OPRM1: variants seen among roughly 807,000 people sequenced by gnomAD.
The protein encoded by OPRM1 is mu-type opioid receptor.
In OPRM1, 27 loss-of-function variants were observed where a neutral mutation model predicts 31.8. That is an observed-to-expected ratio of 0.85 (90% CI 0.63 to 1.17). The LOEUF (loss-of-function observed/expected upper bound fraction) is 1.17. Among genes scored for constraint, OPRM1 ranks in the 50% most tolerant of loss-of-function variants. The pLI, the probability that OPRM1 is intolerant of heterozygous loss-of-function variation, is 0.00. For missense variants in OPRM1, 536 were observed against 511.1 expected, an observed-to-expected ratio of 1.05 and a Z score of -0.47; for synonymous variants, 196 against 189.9, an observed-to-expected ratio of 1.03 and a Z score of -0.26.
intron 3 of OPRM1, among the ~76,000 whole-genome samples, chr6:154,152,815 G>A (rs760991894): frequency 3.3e-5 from 5 of 151,780 alleles, no homozygotes; most frequent in Non-Finnish European, 7.4e-5. Flanking sequence ...CTGTAGCCCC[G>A]AACTCCTGGG....
downstream of OPRM1, among the ~76,000 whole-genome samples, chr6:154,135,604 T>A (rs955419895): frequency 2.0e-5 from 3 of 152,244 alleles, no homozygotes; most frequent in African/African-American, 7.2e-5. Context: ...TTTTTAACTC[T>A]GTCTTCTTCC....
intron 3 of OPRM1, among the ~76,000 whole-genome samples, chr6:154,220,351 C>T (rs1397060697): frequency 6.6e-6 from 1 of 152,200 alleles, no homozygotes; most frequent in Non-Finnish European, 1.5e-5. Flanking sequence ...ACCTCAAATA[C>T]AGCCTGATTC....
At chr6:154,065,150 A>ATTTT (rs564465420) in intron 1 of OPRM1, among the ~76,000 whole-genome samples, 2 of 133,674 alleles carry the variant, frequency 1.5e-5, no homozygotes, top group Non-Finnish European at 3.2e-5. Context: ...GTCTTCTTTA[A>ATTTT]TTTTTTTTTT....
At chr6:154,166,516 C>T (rs573878019) in intron 3 of OPRM1, among the ~76,000 whole-genome samples, 2 of 152,362 alleles carry the variant, frequency 1.3e-5, no homozygotes, top group Non-Finnish European at 2.9e-5. Context: ...TTCTTCCTGA[C>T]TCACGGATTT....
At chr6:154,079,107 CAT>C (rs1788536963) in intron 1 of OPRM1, among the ~76,000 whole-genome samples, 1 of 152,158 alleles carries the variant, frequency 6.6e-6, no homozygotes. Flanking sequence ...CTGATCATCT[CAT>C]TCCCTCACTC....
At chr6:154,016,998 A>G (rs370740943) in intron 1 of OPRM1, among the ~76,000 whole-genome samples, 12 of 152,354 alleles carry the variant, frequency 7.9e-5, no homozygotes, top group African/African-American at 2.9e-4. Context: ...TATGTAATCA[A>G]ATACAAATAT....
At chr6:154,159,918 C>G (rs758665912) in intron 3 of OPRM1, 2 of 1,613,786 alleles carry the variant, frequency 1.2e-6, no homozygotes, top group Admixed American at 3.3e-5. Context: ...GCGAAGCCCG[C>G]TGCTGCTGAT....
intron 3 of OPRM1, among the ~76,000 whole-genome samples, chr6:154,208,056 C>T (rs1777643915): frequency 6.6e-6 from 1 of 152,172 alleles, no homozygotes; most frequent in African/African-American, 2.4e-5. Flanking sequence ...CCTCCCACTT[C>T]CCAGTGTCTG....
chr6:154,040,121 C>T (rs540018324), intron 1 of OPRM1, among the ~76,000 whole-genome samples: 4 of 152,148 alleles, frequency 2.6e-5, no homozygotes, highest in Admixed American at 1.3e-4. Context: ...GAAGCTATAG[C>T]ATAGACTTGG....
Position 154,128,308 on chromosome 6 carries a change from G to T in OPRM1, c.*9587G>T, listed in dbSNP as rs956466828. Among the ~76,000 whole-genome samples, 3 of 152,032 alleles carry T rather than the reference G, an allele frequency of 2.0e-5. No individual in the cohort carries two copies. Among genetic ancestry groups the T allele is most frequent in the African/African-American group, 7.3e-5 (3 of 41,360 alleles). ...GAAGGTGGAGTTAATTCTGACTACG[G>T]GATTCCTTTTTCACTTTTATAATGA... On this transcript the variant is annotated 3_prime_UTR_variant, in exon 4 of 4. Transcript: ENST00000330432.
At chr6:154,204,617 C>A (rs1040958868) in intron 3 of OPRM1, among the ~76,000 whole-genome samples, 1 of 151,962 alleles carries the variant, frequency 6.6e-6, no homozygotes, top group African/African-American at 2.4e-5. Flanking sequence ...AATGTGCTGA[C>A]CGAAGATCTA....
rs1180425991 is a variant in OPRM1, at chr6:154,127,868, C to T, written c.*9147C>T. 6.6e-6 allele frequency among the ~76,000 whole-genome samples: 1 copy of T among 152,100 alleles called. No individual in the cohort carries two copies. Among genetic ancestry groups the T allele is most frequent in the East Asian group, 1.9e-4 (1 of 5,200 alleles). ...CTCTTTGGCTGTAATACAATTTGTT[C>T]CCGTCTGCCCCCAGGCTCACCCAGT... is the stretch of plus-strand genomic sequence containing the variant. On this transcript the variant is annotated 3_prime_UTR_variant, in exon 4 of 4. Coordinates refer to ENST00000330432, the MANE Select transcript of OPRM1 (RefSeq NM_000914.5).
chr6:154,237,296 G>A (rs1448155106), intron 3 of OPRM1, among the ~76,000 whole-genome samples: 1 of 152,184 alleles, frequency 6.6e-6, no homozygotes, highest in African/African-American at 2.4e-5. Flanking sequence ...TCTTCCTCCA[G>A]GGTGGAAAAC....
rs1321833527 is a variant in OPRM1 at position 154,129,612 on chromosome 6, T to C, written c.*10891T>C. 2.6e-5 allele frequency among the ~76,000 whole-genome samples: 4 copies of C among 152,186 alleles called. No homozygotes were observed. The highest frequency in any genetic ancestry group is 6.5e-5 in the Admixed American group (1 of 15,278). ...GTCAATAATAATTTCAGATGTGTAT[T>C]TTAGTTCTCATAAGAACATCTACAT... On this transcript the variant is annotated 3_prime_UTR_variant, in exon 4 of 4. Coordinates refer to ENST00000330432, the MANE Select transcript of OPRM1 (RefSeq NM_000914.5).
chr6:154,187,009 C>T, intron 3 of OPRM1, among the ~76,000 whole-genome samples: 1 of 151,982 alleles, frequency 6.6e-6, no homozygotes, highest in East Asian at 1.9e-4. Context: ...CTTCTTGCAC[C>T]TCTGCTCCTG....
intron 3 of OPRM1, among the ~76,000 whole-genome samples, chr6:154,114,743 G>A (rs1201218181): frequency 1.3e-5 from 2 of 151,596 alleles, no homozygotes; most frequent in African/African-American, 4.9e-5. Context: ...CAAGCCTCCA[G>A]ATTCCCATTA....
chr6:154,188,297 G>A (rs1033655623), intron 3 of OPRM1, among the ~76,000 whole-genome samples: 10 of 152,146 alleles, frequency 6.6e-5, no homozygotes, highest in Admixed American at 5.9e-4. Flanking sequence ...TAACAAATAT[G>A]TTCAAGACTT....
chr6:154,029,790 T>C (rs1330881819), intron 1 of OPRM1, among the ~76,000 whole-genome samples: 1 of 152,194 alleles, frequency 6.6e-6, no homozygotes, highest in Non-Finnish European at 1.5e-5. Flanking sequence ...GAATGAGTTA[T>C]CATGAGATCT....
At chr6:154,076,737 G>A (rs1160905925) in intron 1 of OPRM1, among the ~76,000 whole-genome samples, 1 of 152,072 alleles carries the variant, frequency 6.6e-6, no homozygotes, top group Non-Finnish European at 1.5e-5. Context: ...AATCTCAAAT[G>A]AGCACCTAAT....
Sources: allele counts gnomAD v4.1 joint callset (sites outside exome capture counted in the v4.1 genomes callset), GRCh38; gene constraint gnomAD v4.1.1; transcripts MANE v1.5; gene names NCBI Gene and HGNC (gene_info 2026-07-23, HGNC 2026-07-21).